ITGBL1: variants seen among roughly 807,000 people sequenced by gnomAD.
The protein encoded by ITGBL1 is integrin subunit beta like 1.
In ITGBL1, 51 loss-of-function variants were observed where a neutral mutation model predicts 68.5. That is an observed-to-expected ratio of 0.74 (90% CI 0.59 to 0.94). The LOEUF is 0.94. Ranked by LOEUF, ITGBL1 falls within the 40% of genes least tolerant of loss-of-function variation. The probability of loss-of-function intolerance (pLI) is 0.00; values close to 1 mark genes in which losing one functional copy is unlikely to be tolerated. For missense variants in ITGBL1, 649 were observed against 647.4 expected, an observed-to-expected ratio of 1.00 and a Z score of -0.03; for synonymous variants, 209 against 227.3, an observed-to-expected ratio of 0.92 and a Z score of 0.72.
intron 7 of ITGBL1, among the ~76,000 whole-genome samples, chr13:101,613,051 C>T (rs1303160847): frequency 3.3e-5 from 5 of 152,070 alleles, no homozygotes; most frequent in Non-Finnish European, 5.9e-5. Context: ...ATTAATGTGA[C>T]TTTGTAGAGT....
intron 2 of ITGBL1, among the ~76,000 whole-genome samples, chr13:101,503,014 A>G (rs2048968569): frequency 6.6e-6 from 1 of 152,186 alleles, no homozygotes; most frequent in Admixed American, 6.5e-5. Context: ...TTTTATGTGT[A>G]CCCAATAAAA....
intron 10 of ITGBL1, 132 bp from the exon 11 acceptor site, chr13:101,715,431 C>A (rs2034673997): frequency 8.4e-6 from 6 of 718,412 alleles, no homozygotes; most frequent in East Asian, 2.5e-5. Flanking sequence ...ATAATAACAT[C>A]ATTGCACAAT....
At chr13:101,455,377 A>T (rs1343845502) in intron 2 of ITGBL1, among the ~76,000 whole-genome samples, 2 of 152,174 alleles carry the variant, frequency 1.3e-5, no homozygotes, top group African/African-American at 2.4e-5. Context: ...CTCTTTAAAA[A>T]TACTGAATGC....
chr13:101,457,367 C>G (rs2048258728), intron 2 of ITGBL1, among the ~76,000 whole-genome samples: 1 of 152,178 alleles, frequency 6.6e-6, no homozygotes, highest in African/African-American at 2.4e-5. Context: ...GGCCCAGCCT[C>G]AGGGCAGCTG....
intron 2 of ITGBL1, among the ~76,000 whole-genome samples, chr13:101,525,374 G>C (rs1018927989): frequency 7.9e-5 from 12 of 152,028 alleles, no homozygotes; most frequent in African/African-American, 2.9e-4. Context: ...ATTTTATTAT[G>C]GAAAAATAAG....
At position 101,593,145 on chromosome 13, in the gene ITGBL1, T is replaced by C. The variant is rs1566746435; in HGVS notation, c.869-5008T>C. 2.6e-5 allele frequency among the ~76,000 whole-genome samples: 4 copies of C among 152,068 alleles called. No individual in the cohort carries two copies. The South Asian group carries it at 8.3e-4, about 32-fold the overall frequency. ...GACATTCAGATGTCCAACAGGTATA[T>C]GAAGATATGATCAAGATCACTAATT... is the stretch of plus-strand genomic sequence containing the variant. On this transcript the variant is annotated intron_variant, in intron 6 of 10. Transcript: ENST00000376180.
At chr13:101,521,557 G>T (rs191585715) in intron 2 of ITGBL1, among the ~76,000 whole-genome samples, 1 of 152,066 alleles carries the variant, frequency 6.6e-6, no homozygotes, top group South Asian at 2.1e-4. Flanking sequence ...AGAAGGGAGG[G>T]TGGGAGGAGA....
At chr13:101,501,528 A>C (rs919773546) in intron 2 of ITGBL1, among the ~76,000 whole-genome samples, 1 of 152,174 alleles carries the variant, frequency 6.6e-6, no homozygotes, top group African/African-American at 2.4e-5. Flanking sequence ...TTTAAATACA[A>C]TGATTACAGT....
rs191113300 is a variant in ITGBL1, at chr13:101,602,858, G to C, written c.1015+4559G>C. On this transcript the variant is annotated intron_variant, in intron 7 of 10. Transcript: ENST00000376180. ...TCTCGCATCTGGCTTTTTTCACTTA[G>C]CATAAGTGTTTGCAAGGTTTATCAA... Among the ~76,000 whole-genome samples the C allele has an allele frequency of 2.6e-5, 4 of 152,018 alleles. 1 individual carries two copies. The highest frequency in any genetic ancestry group is 2.0e-4 in the Admixed American group (3 of 15,228).
chr13:101,666,235 C>G (rs1679857659), intron 7 of ITGBL1, among the ~76,000 whole-genome samples: 1 of 152,124 alleles, frequency 6.6e-6, no homozygotes, highest in African/African-American at 2.4e-5. Flanking sequence ...AGTGCAGTAC[C>G]AACTGAATGA....
chr13:101,515,530 T>C (rs745633540), intron 2 of ITGBL1, among the ~76,000 whole-genome samples: 4 of 152,268 alleles, frequency 2.6e-5, no homozygotes, highest in Middle Eastern at 3.4e-3. Flanking sequence ...TGAGACATGC[T>C]GGGATACCTC....
At chr13:101,457,040 A>G (rs2048254074) in intron 2 of ITGBL1, among the ~76,000 whole-genome samples, 1 of 152,212 alleles carries the variant, frequency 6.6e-6, no homozygotes, top group African/African-American at 2.4e-5. Flanking sequence ...CATCTGTAAA[A>G]TGGGAATAAC....
At chr13:101,701,828 A>T (rs1371848398) in intron 8 of ITGBL1, among the ~76,000 whole-genome samples, 3 of 152,112 alleles carry the variant, frequency 2.0e-5, no homozygotes, top group Non-Finnish European at 4.4e-5. Context: ...GATTTCCAGG[A>T]GCTGAGAAGA....
intron 2 of ITGBL1, among the ~76,000 whole-genome samples, chr13:101,499,541 C>T (rs1236979520): frequency 6.6e-6 from 1 of 152,294 alleles, no homozygotes; most frequent in East Asian, 1.9e-4. Flanking sequence ...CCGACTTTGA[C>T]TTTCACTATA....
intron 7 of ITGBL1, among the ~76,000 whole-genome samples, chr13:101,675,983 C>T (rs2033491992): frequency 6.6e-6 from 1 of 152,042 alleles, no homozygotes; most frequent in Non-Finnish European, 1.5e-5. Context: ...TTTTTAAATT[C>T]AGAATTTCCA....
At chr13:101,539,484 C>CT (rs1306233627) in intron 2 of ITGBL1, among the ~76,000 whole-genome samples, 1 of 151,976 alleles carries the variant, frequency 6.6e-6, no homozygotes, top group African/African-American at 2.4e-5. Context: ...CAAGTCTTTG[C>CT]TATTGTCAGT....
intron 7 of ITGBL1, among the ~76,000 whole-genome samples, chr13:101,640,083 A>T (rs1281138041): frequency 2.0e-5 from 3 of 152,204 alleles, no homozygotes. Context: ...GATTATACTT[A>T]CAAGAAAGAA....
At chr13:101,470,390 C>T (rs1270804116) in intron 2 of ITGBL1, among the ~76,000 whole-genome samples, 1 of 151,154 alleles carries the variant, frequency 6.6e-6, no homozygotes, top group Non-Finnish European at 1.5e-5. Flanking sequence ...AGTGCAGTGG[C>T]GCGATCTCGG....
intron 7 of ITGBL1, among the ~76,000 whole-genome samples, chr13:101,631,060 T>C (rs2031962212): frequency 6.6e-6 from 1 of 152,208 alleles, no homozygotes; most frequent in African/African-American, 2.4e-5. Context: ...CAGCACTTGT[T>C]GGTTAGTTAA....
Sources: gnomAD v4.1 joint callset for allele counts (sites outside exome capture counted in the v4.1 genomes callset) on GRCh38, gnomAD v4.1.1 for gene constraint, MANE v1.5 for transcripts, NCBI Gene and HGNC (gene_info 2026-07-23, HGNC 2026-07-21) for gene names.